Variants in TRPM6 observed in about 807,000 individuals in gnomAD.
TRPM6 encodes the protein transient receptor potential cation channel subfamily M member 6.
TRPM6 carries 111 observed loss-of-function variants against 247.6 expected under a neutral mutation model. The ratio of observed to expected loss-of-function variants is 0.45; its 90% CI spans 0.38 to 0.52. TRPM6 has a LOEUF of 0.52. Among genes scored for constraint, TRPM6 ranks in the 20% least tolerant of loss-of-function variants. TRPM6 has a pLI of 0.00. For missense variants in TRPM6, 2,126 were observed against 2,421.5 expected (o/e 0.88, Z 2.56); for synonymous variants, 892 against 853.8 (o/e 1.04, Z -0.78).
chr9:74,877,109 A>G (rs1831216709), intron 1 of TRPM6, among the ~76,000 whole-genome samples: 1 of 152,204 alleles, frequency 6.6e-6, no homozygotes, highest in Non-Finnish European at 1.5e-5. Flanking sequence ...ATTATCATGG[A>G]TTGCTGGTGA....
intron 18 of TRPM6, 137 bp downstream of exon 18, chr9:74,796,604 A>T: frequency 1.2e-6 from 1 of 827,208 alleles, no homozygotes; most frequent in Non-Finnish European, 2.0e-6. Flanking sequence ...CCCCAGGACC[A>T]TATGTCATCA....
chr9:74,852,781 G>A (rs1410420494), intron 3 of TRPM6, among the ~76,000 whole-genome samples: 1 of 152,172 alleles, frequency 6.6e-6, no homozygotes, highest in African/African-American at 2.4e-5. Flanking sequence ...ACGGAGTCTC[G>A]CTCACTCAGT....
intron 27 of TRPM6, among the ~76,000 whole-genome samples, chr9:74,759,449 G>A (rs1014687919): frequency 6.6e-6 from 1 of 152,074 alleles, no homozygotes; most frequent in African/African-American, 2.4e-5. Context: ...TTTTGACAAA[G>A]ATGTCAAGGC....
chr9:74,843,692 G>C (rs1830015968), intron 3 of TRPM6, among the ~76,000 whole-genome samples: 1 of 151,674 alleles, frequency 6.6e-6, no homozygotes, highest in African/African-American at 2.4e-5. Flanking sequence ...GCAGGCGCCT[G>C]TAATCCCAGC....
At chr9:74,864,070 T>C (rs1830773029) in intron 1 of TRPM6, among the ~76,000 whole-genome samples, 1 of 152,016 alleles carries the variant, frequency 6.6e-6, no homozygotes, top group Non-Finnish European at 1.5e-5. Context: ...GCATTCTCTC[T>C]TACACACATC....
At chr9:74,844,585 A>G (rs1162684064) in intron 3 of TRPM6, among the ~76,000 whole-genome samples, 1 of 152,154 alleles carries the variant, frequency 6.6e-6, no homozygotes, top group African/African-American at 2.4e-5. Context: ...AAGAGTTAGG[A>G]CCTTATTCTG....
intron 1 of TRPM6, among the ~76,000 whole-genome samples, chr9:74,868,640 A>G (rs1463243553): frequency 1.3e-5 from 2 of 152,292 alleles, no homozygotes; most frequent in East Asian, 3.9e-4. Context: ...AGTGAAGGAG[A>G]AATTCCTTCT....
intron 31 of TRPM6, among the ~76,000 whole-genome samples, chr9:74,747,271 C>G (rs949969879): frequency 6.6e-6 from 1 of 152,028 alleles, no homozygotes; most frequent in African/African-American, 2.4e-5. Flanking sequence ...TAGAAACAAC[C>G]TAAATTTGTT....
At position 74,757,894 on chromosome 9, in the gene TRPM6, C is replaced by A. The variant is rs372516000; in HGVS notation, c.4786-2421G>T. Among the ~76,000 whole-genome samples, 5 of 152,048 alleles carry A rather than the reference C, an allele frequency of 3.3e-5. No homozygotes were observed. The South Asian group carries it at 1.0e-3, about 32-fold the overall frequency. ...AGCCACTGCACTCCAGCCTAGGCGA[C>A]AGAGCAATACTCCATCTCAAAAATA... On this transcript the variant is annotated intron_variant, in intron 27 of 38. Coordinates refer to ENST00000360774, the MANE Select transcript of TRPM6 (RefSeq NM_017662.5).
intron 1 of TRPM6, among the ~76,000 whole-genome samples, chr9:74,876,892 C>T (rs1231678653): frequency 6.6e-6 from 1 of 152,072 alleles, no homozygotes; most frequent in Non-Finnish European, 1.5e-5. Flanking sequence ...GCACATTTTC[C>T]GGAAGAAAAT....
chr9:74,869,332 T>C (rs1445676414), intron 1 of TRPM6, among the ~76,000 whole-genome samples: 1 of 151,394 alleles, frequency 6.6e-6, no homozygotes, highest in Non-Finnish European at 1.5e-5. Flanking sequence ...TAGCCAGGCA[T>C]GGTGGCACGC....
Position 74,790,545 on chromosome 9 carries a change from G to A in TRPM6, c.2539-1803C>T, listed in dbSNP as rs188882239. ...GATTCCTTATACTGGACTCATTTAC[G>A]TACATTAATGGTCTCCCCTACATAA... On this transcript the variant is annotated intron_variant, in intron 19 of 38. Transcript: ENST00000360774. Among the ~76,000 whole-genome samples, 87 of 152,094 alleles carry A rather than the reference G, an allele frequency of 5.7e-4. 1 individual carries two copies. In the East Asian group the frequency reaches 0.011, roughly 19 times the overall value.
chr9:74,785,550 T>C (rs1030428191), intron 21 of TRPM6, among the ~76,000 whole-genome samples: 1 of 151,446 alleles, frequency 6.6e-6, no homozygotes, highest in Admixed American at 6.6e-5. Context: ...TGAGATGGAG[T>C]CTCGCTCTGT....
chr9:74,841,988 G>C (rs1829953067), intron 4 of TRPM6, among the ~76,000 whole-genome samples, 178 bp downstream of exon 4: 2 of 151,992 alleles, frequency 1.3e-5, no homozygotes, highest in African/African-American at 4.8e-5. Flanking sequence ...GCCCATGCCT[G>C]TAGTCCCAGC....
At chr9:74,798,591 G>A (rs1001871463) in intron 17 of TRPM6, among the ~76,000 whole-genome samples, 4 of 152,104 alleles carry the variant, frequency 2.6e-5, no homozygotes, top group Non-Finnish European at 5.9e-5. Context: ...GGGATTTGAT[G>A]GAGCATTACA....
chr9:74,826,215 T>C (rs1829325152), intron 7 of TRPM6, among the ~76,000 whole-genome samples: 1 of 152,222 alleles, frequency 6.6e-6, no homozygotes, highest in Admixed American at 6.5e-5. Flanking sequence ...TAGACGTAGA[T>C]AGTTCTTTTC....
intron 28 of TRPM6, among the ~76,000 whole-genome samples, chr9:74,753,267 G>C (rs1223238554): frequency 6.6e-6 from 1 of 151,992 alleles, no homozygotes; most frequent in Non-Finnish European, 1.5e-5. Context: ...TAAATATTTA[G>C]TGAATACTTG....
intron 24 of TRPM6, among the ~76,000 whole-genome samples, chr9:74,773,321 G>C: frequency 6.6e-6 from 1 of 152,298 alleles, no homozygotes; most frequent in Non-Finnish European, 1.5e-5. Context: ...AATTAATCCA[G>C]TAAGTATAAG....
chr9:74,840,358 T>G, intron 4 of TRPM6, 121 bp from the exon 5 acceptor site: 1 of 711,424 alleles, frequency 1.4e-6, no homozygotes, highest in Non-Finnish European at 2.5e-6. Flanking sequence ...GTATGTGGGA[T>G]CTCTTTAAAG....
Sources: gnomAD v4.1 joint callset for allele counts (sites outside exome capture counted in the v4.1 genomes callset) on GRCh38, gnomAD v4.1.1 for gene constraint, MANE v1.5 for transcripts, NCBI Gene and HGNC (gene_info 2026-07-23, HGNC 2026-07-21) for gene names.